Variants in LRP1B observed in about 807,000 individuals in gnomAD.
LRP1B encodes LDL receptor related protein 1B.
Under a neutral mutation model 556.6 loss-of-function variants are expected in LRP1B, and 217 were observed. The ratio of observed to expected loss-of-function variants is 0.39; its 90% confidence interval spans 0.35 to 0.44. LRP1B has a LOEUF of 0.44. Ranked by LOEUF, LRP1B falls within the 20% of genes least tolerant of loss-of-function variation. The pLI is 1.00. For missense variants in LRP1B, 5,053 were observed against 5,620.8 expected (o/e 0.90, Z 3.23); for synonymous variants, 2,047 against 1,865.8 (o/e 1.10, Z -2.50).
intron 3 of LRP1B, among the ~76,000 whole-genome samples, chr2:141,403,565 C>T (rs2104929221): frequency 6.6e-6 from 1 of 152,112 alleles, no homozygotes; most frequent in East Asian, 1.9e-4. Flanking sequence ...AGTTTCAAAA[C>T]AATTGCTTAA....
At chr2:141,572,996 T>C (rs2200192) in intron 2 of LRP1B, among the ~76,000 whole-genome samples, 43,298 of 151,924 alleles carry the variant, frequency 0.28, 6,758 homozygotes, top group East Asian at 0.6. Context: ...CACAATAATA[T>C]TGGGATACTT....
intron 23 of LRP1B, among the ~76,000 whole-genome samples, chr2:140,893,129 G>A (rs752549626): frequency 6.6e-6 from 1 of 152,038 alleles, no homozygotes; most frequent in Non-Finnish European, 1.5e-5. Flanking sequence ...AGTGAGGAGT[G>A]TAATCAACTC....
intron 15 of LRP1B, among the ~76,000 whole-genome samples, chr2:141,000,601 T>G (rs1406100549): frequency 6.6e-6 from 1 of 151,672 alleles, no homozygotes; most frequent in Non-Finnish European, 1.5e-5. Context: ...TCTTCCTACA[T>G]TCCACTTGCA....
intron 10 of LRP1B, among the ~76,000 whole-genome samples, chr2:141,053,728 G>T (rs1306565960): frequency 6.6e-6 from 1 of 151,956 alleles, no homozygotes; most frequent in Non-Finnish European, 1.5e-5. Flanking sequence ...TACTCCAGGT[G>T]ATGTACTACA....
At chr2:140,644,615 G>A (rs1178197369) in intron 41 of LRP1B, among the ~76,000 whole-genome samples, 1 of 151,842 alleles carries the variant, frequency 6.6e-6, no homozygotes, top group Admixed American at 6.6e-5. Flanking sequence ...TTCTCATTAT[G>A]CTGCCCAGGC....
intron 47 of LRP1B, among the ~76,000 whole-genome samples, chr2:140,529,435 G>GA (rs1212124731): frequency 9.2e-6 from 1 of 109,084 alleles, no homozygotes; most frequent in South Asian, 3.0e-4. Flanking sequence ...GCTGAAAAGG[G>GA]GGGGGGGAAG....
rs2105305315 is a variant in LRP1B, at chr2:140,444,685, G to A, written c.10058-6C>T. 6.4e-7 allele frequency: 1 copy of A among 1,572,016 alleles called. No individual in the cohort carries two copies. The highest frequency in any genetic ancestry group is 8.8e-7 in the Non-Finnish European group (1 of 1,142,120). ...TGGCTGACATCTAAATTCAGCTAGG[G>A]GAGAAAGCATAGATATTGTGGAATG... On this transcript the variant is annotated splice_polypyrimidine_tract_variant and splice_region_variant and intron_variant, in intron 63 of 90. Coordinates refer to ENST00000389484, the MANE Select transcript of LRP1B (RefSeq NM_018557.3).
At position 141,795,899 on chromosome 2, in the gene LRP1B, T is replaced by TATATAA. The variant is rs1247641787; in HGVS notation, c.205+14379_205+14380insTTATAT. ...ATATATATATATATATATATATATA[T>TATATAA]AATCTTTAAGCAAAATTTAACATGA... is the stretch of plus-strand genomic sequence containing the variant. On this transcript the variant is annotated intron_variant, in intron 2 of 90. Coordinates refer to ENST00000389484, the MANE Select transcript of LRP1B (RefSeq NM_018557.3). Among the ~76,000 whole-genome samples, 305 of 76,950 alleles carry TATATAA rather than the reference T, an allele frequency of 4.0e-3. 7 individuals are homozygous for TATATAA. The highest frequency in any genetic ancestry group is 0.029 in the East Asian group (49 of 1,680). 50.5% of individuals were successfully genotyped at this position (76,950 alleles called of 152,430 possible).
chr2:141,311,699 G>C (rs1686820686), intron 3 of LRP1B, among the ~76,000 whole-genome samples: 1 of 152,172 alleles, frequency 6.6e-6, no homozygotes, highest in African/African-American at 2.4e-5. Context: ...CTCTTGTCAT[G>C]TGATACCTTC....
rs375893178 is a variant in LRP1B at position 141,529,874 on chromosome 2, C to A, written c.206-49341G>T. 9.2e-5 allele frequency among the ~76,000 whole-genome samples: 14 copies of A among 152,196 alleles called. No individual in the cohort carries two copies. In the East Asian group the frequency reaches 2.7e-3, roughly 29 times the overall value. On this transcript the variant is annotated intron_variant, in intron 2 of 90. Coordinates refer to ENST00000389484, the MANE Select transcript of LRP1B (RefSeq NM_018557.3). ...TAAACAAGAAAAATGATCTACTGTA[C>A]AAACCACATACTGTTTATGTGGTTG...
intron 37 of LRP1B, among the ~76,000 whole-genome samples, chr2:140,705,204 C>A (rs536229439): frequency 1.3e-5 from 2 of 151,740 alleles, no homozygotes; most frequent in South Asian, 2.1e-4. Flanking sequence ...CTATAAGATG[C>A]GTAACAAAAA....
At chr2:140,319,612 G>A (rs1309921030) in intron 82 of LRP1B, among the ~76,000 whole-genome samples, 4 of 152,092 alleles carry the variant, frequency 2.6e-5, no homozygotes, top group South Asian at 2.1e-4. Context: ...CACACACTGC[G>A]GCCTTTTGGA....
chr2:140,493,368 C>T (rs183715897), intron 56 of LRP1B, among the ~76,000 whole-genome samples: 31 of 152,204 alleles, frequency 2.0e-4, no homozygotes, highest in African/African-American at 6.3e-4. Flanking sequence ...GCATTCTCAA[C>T]GTACAGGAGA....
intron 2 of LRP1B, among the ~76,000 whole-genome samples, chr2:141,544,307 C>CTTCTTCTTCTTCTTCTTCTTCTTCTTCTT (rs1574063977): frequency 0.016 from 223 of 13,926 alleles, 6 homozygotes; most frequent in South Asian, 0.065. Context: ...TCTTCTTCTT[C>CTTCTTCTTCTTCTTCTTCTTCTTCTTCTT]TTCTTCTTCT....
intron 25 of LRP1B, among the ~76,000 whole-genome samples, chr2:140,871,900 T>A (rs1042636993): frequency 6.6e-6 from 1 of 152,104 alleles, no homozygotes; most frequent in Non-Finnish European, 1.5e-5. Context: ...AATATGGTAA[T>A]GACATTTTAA....
chr2:141,901,985 G>A (rs145036619), intron 1 of LRP1B, among the ~76,000 whole-genome samples: 128 of 151,670 alleles, frequency 8.4e-4, no homozygotes, highest in African/African-American at 3.0e-3. Context: ...AATAATGGAT[G>A]TGAAAAATGG....
intron 1 of LRP1B, among the ~76,000 whole-genome samples, chr2:141,910,150 A>AC (rs1699870282): frequency 2.0e-5 from 3 of 151,490 alleles, no homozygotes; most frequent in Admixed American, 2.0e-4. Flanking sequence ...CAAAAAAAAA[A>AC]AAAAAAAAAT....
chr2:141,171,058 T>C (rs1045303356), intron 7 of LRP1B, among the ~76,000 whole-genome samples: 1 of 152,192 alleles, frequency 6.6e-6, no homozygotes, highest in Non-Finnish European at 1.5e-5. Context: ...TTATGGGAAA[T>C]TGAGTAGATG....
chr2:140,807,290 T>C (rs964602403), intron 32 of LRP1B, among the ~76,000 whole-genome samples: 1 of 152,146 alleles, frequency 6.6e-6, no homozygotes, highest in African/African-American at 2.4e-5. Flanking sequence ...AGGAAACTGT[T>C]TTTACCATAT....
Sources: gnomAD v4.1 joint callset for allele counts (sites outside exome capture counted in the v4.1 genomes callset) on GRCh38, gnomAD v4.1.1 for gene constraint, MANE v1.5 for transcripts, NCBI Gene and HGNC (gene_info 2026-07-23, HGNC 2026-07-21) for gene names.